Variants in SULT1C2 observed in about 807,000 individuals in gnomAD.
SULT1C2 encodes sulfotransferase 1C2.
In SULT1C2, 27 loss-of-function variants were observed where a neutral mutation model predicts 36.0. The ratio of observed to expected loss-of-function variants is 0.75; its 90% confidence interval spans 0.55 to 1.03. SULT1C2 has a LOEUF of 1.03. Among genes scored for constraint, SULT1C2 ranks in the 50% least tolerant of loss-of-function variants. The probability of loss-of-function intolerance (pLI) is 0.00; values close to 1 mark genes in which losing one functional copy is unlikely to be tolerated. For synonymous variants in SULT1C2, 121 were observed against 116.0 expected, an observed-to-expected ratio of 1.04 and a Z score of -0.27; for missense variants, 395 against 359.2, an observed-to-expected ratio of 1.10 and a Z score of -0.80.
chr2:108,295,361 G>C lies in SULT1C2; in HGVS notation c.277+1007G>C, dbSNP rs148716203. ...TCCCGCCCTGCTCTGAAATACCTGTGGGGCTCTGACCCCATAGACAGGCCA... is the reference window on the plus strand; with the variant it reads ...TCCCGCCCTGCTCTGAAATACCTGTCGGGCTCTGACCCCATAGACAGGCCA... On this transcript the variant is annotated intron_variant, in intron 3 of 7. Transcript: ENST00000251481. Among the ~76,000 whole-genome samples, 744 of 152,310 alleles carry C rather than the reference G, an allele frequency of 4.9e-3. 7 individuals carry two copies. The highest frequency in any genetic ancestry group is 0.017 in the African/African-American group (707 of 41,562).
At chr2:108,300,634 C>A in intron 3 of SULT1C2, 1 of 798,662 alleles carries the variant, frequency 1.3e-6, no homozygotes, top group Non-Finnish European at 1.8e-6. Context: ...TAAATTAACT[C>A]TAAGGCCCCA....
intron 3 of SULT1C2, chr2:108,300,541 C>G: frequency 2.3e-6 from 1 of 426,110 alleles, no homozygotes; most frequent in Non-Finnish European, 4.1e-6. Context: ...GTCCTCTCTT[C>G]TCTGGTCCTG....
intron 1 of SULT1C2, among the ~76,000 whole-genome samples, chr2:108,290,143 A>G (rs1279467677): frequency 6.6e-6 from 1 of 152,162 alleles, no homozygotes; most frequent in Non-Finnish European, 1.5e-5. Flanking sequence ...ACAGGTGTAC[A>G]TTGGGAAGTC....
intron 1 of SULT1C2, among the ~76,000 whole-genome samples, chr2:108,291,917 G>A (rs1335966459): frequency 6.6e-6 from 1 of 152,122 alleles, no homozygotes; most frequent in Non-Finnish European, 1.5e-5. Context: ...AAATACAACT[G>A]CTTCTCATAT....
Position 108,296,552 on chromosome 2 carries a change from A to C in SULT1C2, c.277+2198A>C, listed in dbSNP as rs998883596. 1.1e-4 allele frequency among the ~76,000 whole-genome samples: 17 copies of C among 152,098 alleles called. No individual in the cohort carries two copies. In the East Asian group the frequency reaches 3.3e-3, roughly 29 times the overall value. ...CTGCAACCTCTGCCTCCCGGGTTCA[A>C]GCAATTCTCCTGCCTCAGCCTCCCA... is the stretch of plus-strand genomic sequence containing the variant. On this transcript the variant is annotated intron_variant, in intron 3 of 7. Transcript: ENST00000251481.
At chr2:108,289,322 A>G (rs1676535664) in intron 1 of SULT1C2, among the ~76,000 whole-genome samples, 1 of 152,058 alleles carries the variant, frequency 6.6e-6, no homozygotes, top group South Asian at 2.1e-4. Flanking sequence ...TCCCACCCTG[A>G]TCTTTTCCCA....
At chr2:108,291,860 A>G (rs1676601123) in intron 1 of SULT1C2, among the ~76,000 whole-genome samples, 1 of 152,330 alleles carries the variant, frequency 6.6e-6, no homozygotes, top group Non-Finnish European at 1.5e-5. Flanking sequence ...TGATCATACC[A>G]TTATCTCAGG....
At chr2:108,296,635 TAC>T (rs1045802736) in intron 3 of SULT1C2, among the ~76,000 whole-genome samples, 6 of 152,320 alleles carry the variant, frequency 3.9e-5, no homozygotes, top group African/African-American at 1.2e-4. Flanking sequence ...GTATTTTTAG[TAC>T]AGTCAGGGTT....
chr2:108,290,566 A>T (rs1309123999), intron 1 of SULT1C2, among the ~76,000 whole-genome samples: 4 of 152,210 alleles, frequency 2.6e-5, no homozygotes, highest in African/African-American at 9.7e-5. Flanking sequence ...GGTGGCTGAA[A>T]AGTCCAAGAG....
At chr2:108,304,987 G>A (rs2104423489) in intron 5 of SULT1C2, among the ~76,000 whole-genome samples, 185 bp from the exon 6 acceptor site, 1 of 151,580 alleles carries the variant, frequency 6.6e-6, no homozygotes, top group Middle Eastern at 3.4e-3. Flanking sequence ...CGATGTTGGG[G>A]CAAGTAACCC....
intron 5 of SULT1C2, among the ~76,000 whole-genome samples, chr2:108,304,943 T>C (rs1676983879): frequency 6.6e-6 from 1 of 152,222 alleles, no homozygotes; most frequent in Admixed American, 6.5e-5. Flanking sequence ...CTTGTCCCTA[T>C]GTGATTGCAC....
At chr2:108,308,263 A>T (rs1327571872) in intron 7 of SULT1C2, 89 bp from the exon 8 acceptor site, 2 of 1,207,804 alleles carry the variant, frequency 1.7e-6, no homozygotes, top group Non-Finnish European at 2.3e-6. Context: ...TGGACAGGCC[A>T]GATTCAGTAT....
intron 4 of SULT1C2, chr2:108,301,399 G>A (rs1676867931): frequency 1.3e-5 from 2 of 153,354 alleles, no homozygotes; most frequent in Admixed American, 1.3e-4. Flanking sequence ...AGAGCACGGT[G>A]AAACCCCGTC....
At position 108,294,294 on chromosome 2, in the gene SULT1C2, C is replaced by T. The variant is rs751580170; in HGVS notation, c.217C>T (p.Arg73Ter). The T allele has an allele frequency of 2.5e-6, 4 of 1,614,058 alleles. No individual in the cohort carries two copies. Among genetic ancestry groups the T allele is most frequent in the Non-Finnish European group, 3.4e-6 (4 of 1,179,986 alleles). Residue 73 changes from arginine to a stop codon, truncating the protein, a stop_gained, in exon 3 of 8, where the codon CGA becomes TGA. Transcript: ENST00000251481. LOFTEE classifies it high-confidence loss of function. ...GAATGGGGACGTGGAGAAGTGCCAG[C>T]GAGCCATCATCCAACACCGCCATCC... ...EQNGDVEKCQ[R>*]AIIQHRHPFI...
chr2:108,289,615 A>G (rs1676541400), intron 1 of SULT1C2, among the ~76,000 whole-genome samples: 1 of 152,192 alleles, frequency 6.6e-6, no homozygotes, highest in Admixed American at 6.5e-5. Context: ...GCCTCCACAA[A>G]GGAGGCCATA....
chr2:108,294,796 A>C lies in SULT1C2; in HGVS notation c.277+442A>C, dbSNP rs189060956. 2.0e-3 allele frequency among the ~76,000 whole-genome samples: 311 copies of C among 152,012 alleles called. 1 individual carries two copies. Among genetic ancestry groups the C allele is most frequent in the Middle Eastern group, 6.8e-3 (2 of 294 alleles). On this transcript the variant is annotated intron_variant, in intron 3 of 7. Transcript: ENST00000251481. ...CACACATACACACACACACACACAC[A>C]CCCCATTGCATTTGGAACCAATTAT...
At chr2:108,289,834 C>T (rs554704867) in intron 1 of SULT1C2, among the ~76,000 whole-genome samples, 16 of 152,314 alleles carry the variant, frequency 1.1e-4, no homozygotes, top group Non-Finnish European at 2.2e-4. Flanking sequence ...CTGCCTCAAT[C>T]TCTTGCTGCA....
chr2:108,305,225 A>G lies in SULT1C2; in HGVS notation c.556A>G (p.Arg186Gly), dbSNP rs1036381191. ...GAAAGGATGGTGGGAGATGAAAGAC[A>G]GACACCAGATTCTCTTCCTCTTCTA... ...HVKGWWEMKD[R>G]HQILFLFYED... The change falls in exon 6 of 8, where the codon AGA becomes GGA. Residue 186 changes from arginine to glycine, a missense_variant. Physicochemically the swap from Arg to Gly is moderately radical, Grantham distance 125. Transcript: ENST00000251481. 4 of 1,614,090 alleles carry G rather than the reference A, an allele frequency of 2.5e-6. No individual in the cohort carries two copies. Among genetic ancestry groups the G allele is most frequent in the African/African-American group, 2.7e-5 (2 of 74,944 alleles).
At position 108,305,397 on chromosome 2, in the gene SULT1C2, A is replaced by G; in HGVS notation, c.598-18A>G. 2 of 1,613,224 alleles carry G rather than the reference A, an allele frequency of 1.2e-6. No individual in the cohort carries two copies. The highest frequency in any genetic ancestry group is 2.2e-5 in the South Asian group (2 of 91,008). ...TGATACTCTCATTCATTCCAGTCCAATGTTACCCTTGCCGCAGGACCCAAA... is the reference window on the plus strand; with the variant it reads ...TGATACTCTCATTCATTCCAGTCCAGTGTTACCCTTGCCGCAGGACCCAAA... On this transcript the variant is annotated intron_variant, in intron 6 of 7. Transcript: ENST00000251481.
Sources: gnomAD v4.1 joint callset for allele counts (sites outside exome capture counted in the v4.1 genomes callset) on GRCh38, gnomAD v4.1.1 for gene constraint, MANE v1.5 for transcripts, NCBI Gene and HGNC (gene_info 2026-07-23, HGNC 2026-07-21) for gene names.